Variants in EDA observed in about 807,000 individuals in gnomAD.
EDA encodes the protein ectodysplasin-A.
Under a neutral mutation model 23.6 loss-of-function variants are expected in EDA, and 2 were observed. The ratio of observed to expected loss-of-function variants is 0.08; its 90% CI spans 0.03 to 0.27. The LOEUF is 0.27. EDA is among the 10% of genes least tolerant of loss of function. EDA has a pLI of 1.00. For synonymous variants in EDA, 131 were observed against 132.0 expected, an observed-to-expected ratio of 0.99 and a Z score of 0.05; for missense variants, 229 against 324.2, an observed-to-expected ratio of 0.71 and a Z score of 2.26.
chrX:69,889,678 G>A (rs10284062), intron 1 of EDA, among the ~76,000 whole-genome samples: 23,433 of 110,129 alleles, frequency 0.21, 1,905 homozygotes, highest in African/African-American at 0.25. Context: ...ATATATTATG[G>A]GTATAAATCC....
At chrX:69,771,177 C>A (rs776010159) in intron 1 of EDA, among the ~76,000 whole-genome samples, 4 of 59,642 alleles carry the variant, frequency 6.7e-5, no homozygotes, top group African/African-American at 1.7e-4. Flanking sequence ...CTGCCTCAGC[C>A]CCCCCAAGTC....
chrX:69,672,170 G>T (rs1933919599), intron 1 of EDA, among the ~76,000 whole-genome samples: 1 of 111,637 alleles, frequency 9.0e-6, no homozygotes, highest in Admixed American at 9.5e-5. Context: ...GCATTCATAG[G>T]TCTGGATATG....
chrX:69,635,416 A>G (rs1233581682), intron 1 of EDA, among the ~76,000 whole-genome samples: 1 of 110,647 alleles, frequency 9.0e-6, no homozygotes, highest in Non-Finnish European at 1.9e-5. Context: ...CCTAAACTGC[A>G]TTTATCACCT....
At chrX:69,694,090 G>A (rs937382554) in intron 1 of EDA, among the ~76,000 whole-genome samples, 3 of 111,765 alleles carry the variant, frequency 2.7e-5, no homozygotes, top group South Asian at 3.7e-4. Flanking sequence ...TTCATAATTG[G>A]CATAATTTTT....
chrX:69,753,086 C>G (rs1160976083), intron 1 of EDA, among the ~76,000 whole-genome samples: 5 of 111,603 alleles, frequency 4.5e-5, no homozygotes, highest in African/African-American at 9.8e-5. Context: ...TTCAGTTCTG[C>G]TCTGATTTTA....
At chrX:69,722,611 G>A (rs2012631043) in intron 1 of EDA, among the ~76,000 whole-genome samples, 1 of 111,311 alleles carries the variant, frequency 9.0e-6, no homozygotes, top group Non-Finnish European at 1.9e-5. Context: ...TCTTTTTAAG[G>A]CTCACATCAT....
chrX:70,005,304 G>A (rs1406578547), intron 2 of EDA, among the ~76,000 whole-genome samples: 1 of 111,641 alleles, frequency 9.0e-6, no homozygotes, highest in African/African-American at 3.3e-5. Context: ...AGCTTAGCAT[G>A]ACTGTGATTC....
chrX:70,006,334 C>G, intron 2 of EDA, among the ~76,000 whole-genome samples: 1 of 112,199 alleles, frequency 8.9e-6, no homozygotes, highest in East Asian at 2.8e-4. Flanking sequence ...ATTTTGCATT[C>G]CCACCAGCAA....
chrX:69,702,690 T>C (rs1045350486), intron 1 of EDA, among the ~76,000 whole-genome samples: 5 of 110,100 alleles, frequency 4.5e-5, no homozygotes, highest in Non-Finnish European at 9.5e-5. Context: ...GCGGCGAGAA[T>C]GGAGGAGAAG....
intron 1 of EDA, among the ~76,000 whole-genome samples, chrX:69,793,570 G>GTTTTTTTTTTTTTTTTTTTTTT (rs67241807): frequency 3.4e-5 from 2 of 58,780 alleles, no homozygotes; most frequent in African/African-American, 7.3e-5. Context: ...GTTTGTTTTT[G>GTTTTTTTTTTTTTTTTTTTTTT]TTTTTTTTTT....
chrX:69,720,975 C>T (rs2012556986), intron 1 of EDA, among the ~76,000 whole-genome samples: 1 of 111,766 alleles, frequency 8.9e-6, no homozygotes, highest in Non-Finnish European at 1.9e-5. Context: ...GACTTTGGAT[C>T]TCATTTAAAT....
At position 69,776,562 on chromosome X, in the gene EDA, C is replaced by CT. The variant is rs767930784; in HGVS notation, c.396+159866dup. Among the ~76,000 whole-genome samples, 24 of 111,087 alleles carry CT rather than the reference C, an allele frequency of 2.2e-4. No individual in the cohort carries two copies. In the East Asian group the frequency reaches 3.9e-3, roughly 18 times the overall value. ...TATGGAACTGTAGTCCATTAAACCT[C>CT]TTTTTTTTAAATAAATTACCCAGTC... On this transcript the variant is annotated intron_variant, in intron 1 of 7. Coordinates refer to ENST00000374552, the MANE Select transcript of EDA (RefSeq NM_001399.5).
At chrX:69,960,335 G>C (rs924860832) in intron 2 of EDA, among the ~76,000 whole-genome samples, 1 of 111,357 alleles carries the variant, frequency 9.0e-6, no homozygotes, top group African/African-American at 3.3e-5. Context: ...AGACAGAGAA[G>C]AGGCATCAGT....
At chrX:69,739,164 G>A (rs2013366950) in intron 1 of EDA, among the ~76,000 whole-genome samples, 1 of 110,615 alleles carries the variant, frequency 9.0e-6, no homozygotes, top group Non-Finnish European at 1.9e-5. Context: ...TGTATTTTGG[G>A]GTCTGTTGTA....
At chrX:69,873,438 C>CA (rs2017597009) in intron 1 of EDA, among the ~76,000 whole-genome samples, 1 of 111,487 alleles carries the variant, frequency 9.0e-6, no homozygotes, top group Admixed American at 9.5e-5. Context: ...AAAAAAAATA[C>CA]AAAAGATAAA....
At chrX:69,716,214 G>A (rs756639304) in intron 1 of EDA, among the ~76,000 whole-genome samples, 2 of 111,988 alleles carry the variant, frequency 1.8e-5, no homozygotes, top group East Asian at 5.6e-4. Context: ...TTACATTTCA[G>A]TCTTTACTCG....
intron 1 of EDA, among the ~76,000 whole-genome samples, chrX:69,923,613 C>A (rs1409828180): frequency 1.8e-5 from 2 of 111,754 alleles, no homozygotes; most frequent in African/African-American, 6.5e-5. Flanking sequence ...GTGCATGTGT[C>A]TTTAAATCAG....
rs779266554 is a variant in EDA, at chrX:69,961,376, C to T, written c.502+4244C>T. 4.5e-5 allele frequency among the ~76,000 whole-genome samples: 5 copies of T among 111,856 alleles called. 1 individual carries two copies. Among genetic ancestry groups the T allele is most frequent in the South Asian group, 7.6e-4 (2 of 2,640 alleles). On this transcript the variant is annotated intron_variant, in intron 2 of 7. Coordinates refer to ENST00000374552, the MANE Select transcript of EDA (RefSeq NM_001399.5). ...TAAACAGTTCATTAACTCTTGGAAA[C>T]GGAAGGGATGTAGTGATCCTTAGGA...
At chrX:69,708,721 C>A (rs1463485266) in intron 1 of EDA, among the ~76,000 whole-genome samples, 2 of 110,870 alleles carry the variant, frequency 1.8e-5, no homozygotes, top group Admixed American at 1.9e-4. Context: ...TTCCTGTTAC[C>A]TGCTCCCATT....
Sources: gnomAD v4.1 joint callset for allele counts (sites outside exome capture counted in the v4.1 genomes callset) on GRCh38, gnomAD v4.1.1 for gene constraint, MANE v1.5 for transcripts, NCBI Gene and HGNC (gene_info 2026-07-23, HGNC 2026-07-21) for gene names.